B3GALT1: variants seen among roughly 807,000 people sequenced by gnomAD.
B3GALT1 encodes the protein UDP-Gal:betaGlcNAc beta 1,3-galactosyltransferase, polypeptide 1.
A neutral mutation model predicts 23.2 loss-of-function variants in B3GALT1; 10 were observed. The ratio of observed to expected loss-of-function variants is 0.43; its 90% CI spans 0.27 to 0.73. B3GALT1 has a LOEUF of 0.73. Among genes scored for constraint, B3GALT1 ranks in the 30% least tolerant of loss-of-function variants. The pLI is 0.21. For missense variants in B3GALT1, 299 were observed against 405.4 expected, an observed-to-expected ratio of 0.74 and a Z score of 2.25; for synonymous variants, 156 against 141.5, an observed-to-expected ratio of 1.10 and a Z score of -0.73.
At chr2:167,596,657 T>C (rs1558919218) in intron 2 of B3GALT1, among the ~76,000 whole-genome samples, 2 of 151,108 alleles carry the variant, frequency 1.3e-5, no homozygotes, top group Non-Finnish European at 2.9e-5. Flanking sequence ...CCCAGTAATA[T>C]AAAAATAGAG....
At chr2:167,776,756 A>T (rs2105315240) in intron 3 of B3GALT1, among the ~76,000 whole-genome samples, 1 of 152,350 alleles carries the variant, frequency 6.6e-6, no homozygotes, top group Non-Finnish European at 1.5e-5. Context: ...CATCTGAGGA[A>T]CTACAGTGGC....
intron 3 of B3GALT1, among the ~76,000 whole-genome samples, chr2:167,669,647 A>G (rs1291944889): frequency 6.6e-6 from 1 of 152,266 alleles, no homozygotes; most frequent in Non-Finnish European, 1.5e-5. Flanking sequence ...TATATTTTGT[A>G]CATTTACACT....
At chr2:167,436,132 C>T (rs940725483) in intron 1 of B3GALT1, among the ~76,000 whole-genome samples, 2 of 152,122 alleles carry the variant, frequency 1.3e-5, no homozygotes, top group Non-Finnish European at 2.9e-5. Flanking sequence ...ACTCATGTAA[C>T]ATCACTTCTC....
At chr2:167,603,829 A>G (rs950688732) in intron 2 of B3GALT1, among the ~76,000 whole-genome samples, 1 of 152,202 alleles carries the variant, frequency 6.6e-6, no homozygotes, top group Non-Finnish European at 1.5e-5. Flanking sequence ...GCAGCCGAGA[A>G]ACACATAGCT....
At chr2:167,723,291 T>A (rs1300388032) in intron 3 of B3GALT1, among the ~76,000 whole-genome samples, 1 of 152,226 alleles carries the variant, frequency 6.6e-6, no homozygotes, top group Non-Finnish European at 1.5e-5. Context: ...TGATTATTGA[T>A]GCAGTCTTCT....
chr2:167,838,944 A>G (rs1188847100), intron 4 of B3GALT1, among the ~76,000 whole-genome samples: 2 of 152,278 alleles, frequency 1.3e-5, no homozygotes, highest in Non-Finnish European at 2.9e-5. Context: ...TTATCTCAAT[A>G]GATGCAGAAA....
At chr2:167,674,660 G>C (rs1444253674) in intron 3 of B3GALT1, among the ~76,000 whole-genome samples, 1 of 152,086 alleles carries the variant, frequency 6.6e-6, no homozygotes, top group Non-Finnish European at 1.5e-5. Flanking sequence ...ATGATACTCT[G>C]GCAAATGCAT....
intron 3 of B3GALT1, among the ~76,000 whole-genome samples, chr2:167,703,572 C>T (rs1686915002): frequency 6.6e-6 from 1 of 152,154 alleles, no homozygotes; most frequent in Non-Finnish European, 1.5e-5. Context: ...CATCTGCTGC[C>T]TGGCTACAAG....
intron 1 of B3GALT1, among the ~76,000 whole-genome samples, chr2:167,314,595 A>G (rs1696683435): frequency 6.6e-6 from 1 of 152,100 alleles, no homozygotes; most frequent in Admixed American, 6.6e-5. Flanking sequence ...ATCGTCATTT[A>G]TTTACCATTT....
intron 3 of B3GALT1, among the ~76,000 whole-genome samples, chr2:167,666,052 G>C (rs562236687): frequency 6.6e-6 from 1 of 151,424 alleles, no homozygotes; most frequent in East Asian, 2.0e-4. Context: ...TAATTGTGAT[G>C]TTAGGATATT....
At chr2:167,347,609 G>A (rs1697243162) in intron 1 of B3GALT1, among the ~76,000 whole-genome samples, 1 of 152,014 alleles carries the variant, frequency 6.6e-6, no homozygotes, top group African/African-American at 2.4e-5. Flanking sequence ...ATGTGACTTG[G>A]GATTCACCAA....
At chr2:167,669,399 A>C (rs1268648333) in intron 3 of B3GALT1, among the ~76,000 whole-genome samples, 1 of 152,208 alleles carries the variant, frequency 6.6e-6, no homozygotes, top group African/African-American at 2.4e-5. Flanking sequence ...GTTATATTGA[A>C]TATGGTCTGG....
At chr2:167,767,691 T>A (rs1312064483) in intron 3 of B3GALT1, among the ~76,000 whole-genome samples, 1 of 152,204 alleles carries the variant, frequency 6.6e-6, no homozygotes, top group Admixed American at 6.5e-5. Context: ...TTTCTTTGAA[T>A]TTAGCCTTAA....
In B3GALT1 at chr2:167,411,142, A is replaced by T. The variant is rs146304374; in HGVS notation, c.-510-79035A>T. Among the ~76,000 whole-genome samples, 113 of 152,088 alleles carry T rather than the reference A, an allele frequency of 7.4e-4. 1 individual carries two copies. The East Asian group carries it at 0.018, about 24-fold the overall frequency. On this transcript the variant is annotated intron_variant, in intron 1 of 4. Coordinates refer to ENST00000392690, the MANE Select transcript of B3GALT1 (RefSeq NM_020981.4). ...GAACATTGGTCTAAACAAAGATTTTATGGAGAAGACCTCAAAAAAATTACA... is the reference window on the plus strand; with the variant it reads ...GAACATTGGTCTAAACAAAGATTTTTTGGAGAAGACCTCAAAAAAATTACA...
At chr2:167,643,808 A>G (rs887629348) in intron 2 of B3GALT1, among the ~76,000 whole-genome samples, 19 of 152,226 alleles carry the variant, frequency 1.2e-4, no homozygotes, top group African/African-American at 3.9e-4. Flanking sequence ...CGAACCTCAG[A>G]CACCATAGGC....
intron 2 of B3GALT1, among the ~76,000 whole-genome samples, chr2:167,552,774 C>A (rs916799768): frequency 3.9e-4 from 59 of 152,184 alleles, no homozygotes; most frequent in African/African-American, 1.4e-3. Flanking sequence ...TCCTGAAATA[C>A]TTTTTCCTTT....
intron 2 of B3GALT1, among the ~76,000 whole-genome samples, chr2:167,620,574 AT>A (rs1685237537): frequency 6.6e-6 from 1 of 152,070 alleles, no homozygotes; most frequent in Non-Finnish European, 1.5e-5. Context: ...ACTTACTAAG[AT>A]TTATTTGTAA....
intron 1 of B3GALT1, among the ~76,000 whole-genome samples, chr2:167,354,448 G>C (rs988473297): frequency 6.6e-6 from 1 of 151,374 alleles, no homozygotes; most frequent in South Asian, 2.1e-4. Context: ...CTGGGTTCAA[G>C]CGATTCTCCT....
In B3GALT1 at chr2:167,778,892, G is replaced by C. The variant is rs1186961453; in HGVS notation, c.-351-39780G>C. On this transcript the variant is annotated intron_variant, in intron 3 of 4. Coordinates refer to ENST00000392690, the MANE Select transcript of B3GALT1 (RefSeq NM_020981.4). ...AGGGGACCACACAGAGCAACTGTCA[G>C]ACCTCATTGGAAAGGTTAAGATACA... Among the ~76,000 whole-genome samples, 4 of 152,180 alleles carry C rather than the reference G, an allele frequency of 2.6e-5. No individual in the cohort carries two copies. In the East Asian group the frequency reaches 7.7e-4, roughly 29 times the overall value.
Sources: gnomAD v4.1 joint callset for allele counts (sites outside exome capture counted in the v4.1 genomes callset) on GRCh38, gnomAD v4.1.1 for gene constraint, MANE v1.5 for transcripts, NCBI Gene and HGNC (gene_info 2026-07-23, HGNC 2026-07-21) for gene names.